The following ANTXR1 variants were observed in gnomAD, a reference collection of about 807,000 sequenced individuals.
The protein encoded by ANTXR1 is anthrax toxin receptor 1.
Under a neutral mutation model 78.1 loss-of-function variants are expected in ANTXR1, and 19 were observed. The observed-to-expected ratio is 0.24, with a 90% confidence interval of 0.17 to 0.36. The LOEUF is 0.36. Ranked by LOEUF, ANTXR1 falls within the 10% of genes least tolerant of loss-of-function variation. The probability of loss-of-function intolerance (pLI) is 1.00; values close to 1 mark genes in which losing one functional copy is unlikely to be tolerated. For missense variants in ANTXR1, 518 were observed against 718.6 expected, an observed-to-expected ratio of 0.72 and a Z score of 3.19; for synonymous variants, 273 against 260.5, an observed-to-expected ratio of 1.05 and a Z score of -0.46.
rs145678662 is a variant in ANTXR1, at chr2:69,182,637, C to T, written c.1330C>T (p.Arg444Trp). The T allele has an allele frequency of 2.7e-5, 43 of 1,614,024 alleles. No homozygotes were observed. Among genetic ancestry groups the T allele is most frequent in the Middle Eastern group, 1.6e-4 (1 of 6,084 alleles). The change falls in exon 16 of 18, where the codon CGG becomes TGG. Residue 444 changes from arginine to tryptophan, a missense_variant. Transcript: ENST00000303714. ...CAATATGCGTCGGCCTTCTTCCCCCCGGAAGTGGTACTCTCCAATCAAGGT... is the reference window on the plus strand; with the variant it reads ...CAATATGCGTCGGCCTTCTTCCCCCTGGAAGTGGTACTCTCCAATCAAGGT... Reference protein sequence around the residue: ...NNNMRRPSSPRKWYSPIKGKL... With the variant: ...NNNMRRPSSPWKWYSPIKGKL...
intron 12 of ANTXR1, among the ~76,000 whole-genome samples, chr2:69,125,659 G>A (rs1672509750): frequency 6.6e-6 from 1 of 152,078 alleles, no homozygotes; most frequent in African/African-American, 2.4e-5. Flanking sequence ...TGGGCAACAT[G>A]GTGAAACCCT....
rs566997154 is a variant in ANTXR1, at chr2:69,115,837, C to T, written c.803-7180C>T. ...GGTCAGGGAAAAGGTGAGTTGTGAG[C>T]GAGGGTATGGGCCATGTCTAAGGAA... On this transcript the variant is annotated intron_variant, in intron 10 of 17. Transcript: ENST00000303714. Among the ~76,000 whole-genome samples, 16 of 152,256 alleles carry T rather than the reference C, an allele frequency of 1.1e-4. No individual in the cohort carries two copies. In the East Asian group the frequency reaches 1.5e-3, roughly 15 times the overall value.
intron 3 of ANTXR1, among the ~76,000 whole-genome samples, chr2:69,066,349 TG>T (rs1670399618): frequency 6.6e-6 from 1 of 152,052 alleles, no homozygotes; most frequent in African/African-American, 2.4e-5. Context: ...CAAGCTGGAG[TG>T]CAATGGCATG....
At chr2:69,117,318 C>T (rs184638269) in intron 10 of ANTXR1, among the ~76,000 whole-genome samples, 165 of 152,324 alleles carry the variant, frequency 1.1e-3, no homozygotes, top group African/African-American at 3.5e-3. Flanking sequence ...CTGACACTCA[C>T]AAGTGGTGCA....
chr2:69,048,094 A>T (rs1002648965), intron 3 of ANTXR1, among the ~76,000 whole-genome samples: 8 of 152,180 alleles, frequency 5.3e-5, no homozygotes, highest in Non-Finnish European at 1.0e-4. Context: ...ACTACTGCAT[A>T]TGAGTCCCTG....
chr2:69,175,953 G>C (rs766945293), intron 14 of ANTXR1, among the ~76,000 whole-genome samples: 2 of 151,890 alleles, frequency 1.3e-5, no homozygotes, highest in African/African-American at 2.4e-5. Context: ...ATAGCAACAG[G>C]TCTGGCATCC....
chr2:69,177,357 C>T (rs1573956805), intron 14 of ANTXR1, among the ~76,000 whole-genome samples: 1 of 152,322 alleles, frequency 6.6e-6, no homozygotes, highest in East Asian at 1.9e-4. Context: ...GAGGACAGCA[C>T]AGGGCTAATC....
chr2:69,163,093 AT>A (rs1385034280), intron 13 of ANTXR1, among the ~76,000 whole-genome samples: 3 of 151,940 alleles, frequency 2.0e-5, no homozygotes, highest in Non-Finnish European at 4.4e-5. Flanking sequence ...CTTTACCTTG[AT>A]TTTTTTTAAA....
intron 17 of ANTXR1, among the ~76,000 whole-genome samples, chr2:69,218,209 A>T (rs1241897024): frequency 1.3e-5 from 2 of 152,172 alleles, no homozygotes; most frequent in Admixed American, 1.3e-4. Flanking sequence ...GCCTTTGTAG[A>T]TTAAAATTAA....
At chr2:69,093,751 G>T in intron 9 of ANTXR1, among the ~76,000 whole-genome samples, 1 of 152,090 alleles carries the variant, frequency 6.6e-6, no homozygotes, top group East Asian at 1.9e-4. Flanking sequence ...TCCAATCTAA[G>T]GAATCTTTCT....
chr2:69,239,244 T>C (rs1373930217), intron 17 of ANTXR1, among the ~76,000 whole-genome samples: 1 of 152,194 alleles, frequency 6.6e-6, no homozygotes, highest in African/African-American at 2.4e-5. Flanking sequence ...TCAGATTAAA[T>C]TATCCAAGGA....
intron 10 of ANTXR1, among the ~76,000 whole-genome samples, chr2:69,111,718 A>C (rs1166247520): frequency 6.6e-6 from 1 of 152,226 alleles, no homozygotes. Flanking sequence ...CAGTTCTAGG[A>C]GTTCTGAGGA....
At chr2:69,024,484 C>T (rs944087078) in intron 1 of ANTXR1, among the ~76,000 whole-genome samples, 7 of 152,088 alleles carry the variant, frequency 4.6e-5, no homozygotes, top group African/African-American at 1.4e-4. Flanking sequence ...GAAGAAATTA[C>T]ACTAAACAGA....
chr2:69,231,950 G>A (rs1675607922), intron 17 of ANTXR1, among the ~76,000 whole-genome samples: 1 of 152,040 alleles, frequency 6.6e-6, no homozygotes, highest in East Asian at 1.9e-4. Flanking sequence ...TACTACAGGG[G>A]GAAAAGATGG....
At chr2:69,077,198 G>A (rs773370509) in intron 7 of ANTXR1, 266 of 602,594 alleles carry the variant, frequency 4.4e-4, no homozygotes, top group Admixed American at 6.7e-4. Context: ...GTAAAAGCTG[G>A]AGCCAACCCT....
chr2:69,135,885 A>T (rs144308212), intron 12 of ANTXR1, among the ~76,000 whole-genome samples: 111 of 152,294 alleles, frequency 7.3e-4, no homozygotes, highest in African/African-American at 2.1e-3. Context: ...TAGTGGACAC[A>T]TGATAAAGCC....
chr2:69,134,524 C>G (rs542206285), intron 12 of ANTXR1, among the ~76,000 whole-genome samples: 2 of 152,284 alleles, frequency 1.3e-5, no homozygotes, highest in South Asian at 4.1e-4. Context: ...AATGTAATCA[C>G]CATTCATGCC....
rs1034329049 is a variant in ANTXR1, at chr2:69,102,788, G to A, written c.704-54G>A. ...AAATGCTCTAAATCAGGGCAGATGCGAAGCTTAAGGTTATTGGCCAAGTAA... is the reference window on the plus strand; with the variant it reads ...AAATGCTCTAAATCAGGGCAGATGCAAAGCTTAAGGTTATTGGCCAAGTAA... On this transcript the variant is annotated intron_variant, in intron 9 of 17. Transcript: ENST00000303714. 23 of 1,525,750 alleles carry A rather than the reference G, an allele frequency of 1.5e-5. No homozygotes were observed. In the African/African-American group the frequency reaches 1.6e-4, roughly 11 times the overall value. 94.5% of individuals were successfully genotyped at this position (1,525,750 alleles called of 1,614,324 possible). A position where few individuals can be genotyped will look rare whatever the true frequency, so the allele number is the denominator to read the frequency against.
At chr2:69,080,102 T>C (rs1316536697) in intron 8 of ANTXR1, among the ~76,000 whole-genome samples, 1 of 152,222 alleles carries the variant, frequency 6.6e-6, no homozygotes, top group Non-Finnish European at 1.5e-5. Flanking sequence ...TCCTGTGAGC[T>C]TTTATCTGTG....
Sources: gnomAD v4.1 joint callset for allele counts (sites outside exome capture counted in the v4.1 genomes callset) on GRCh38, gnomAD v4.1.1 for gene constraint, MANE v1.5 for transcripts, NCBI Gene and HGNC (gene_info 2026-07-23, HGNC 2026-07-21) for gene names.